IQCK: variants seen among roughly 807,000 people sequenced by gnomAD.
IQCK encodes IQ motif containing K, also known as IQ domain-containing protein K.
In IQCK, 29 loss-of-function variants were observed where a neutral mutation model predicts 28.1. That is an observed-to-expected ratio of 1.03 (90% CI 0.77 to 1.41). IQCK has a LOEUF of 1.41. IQCK is among the 40% of genes most tolerant of loss of function. The pLI, the probability that IQCK is intolerant of heterozygous loss-of-function variation, is 0.00. For synonymous variants in IQCK, 113 were observed against 115.1 expected (o/e 0.98, Z 0.12); for missense variants, 359 against 314.7 (o/e 1.14, Z -1.07).
At chr16:19,846,895 AAT>A (rs1013247172) in intron 9 of IQCK, among the ~76,000 whole-genome samples, 5 of 151,942 alleles carry the variant, frequency 3.3e-5, no homozygotes, top group Admixed American at 3.3e-4. Flanking sequence ...AAATCTCGGT[AAT>A]ATATATAATA....
intron 9 of IQCK, among the ~76,000 whole-genome samples, chr16:19,854,035 C>T (rs148628154): frequency 5.3e-5 from 8 of 152,342 alleles, no homozygotes; most frequent in Non-Finnish European, 1.0e-4. Context: ...CCTACAGTCA[C>T]GTTTCTTTAA....
chr16:19,804,251 G>A (rs573882586), intron 7 of IQCK, among the ~76,000 whole-genome samples: 3 of 152,032 alleles, frequency 2.0e-5, no homozygotes, highest in Non-Finnish European at 4.4e-5. Flanking sequence ...GGCTGAGGCA[G>A]GAGAATCACT....
Position 19,723,281 on chromosome 16 carries a change from CCTA to C in IQCK, c.181+4796_181+4798del, listed in dbSNP as rs1463550886. Among the ~76,000 whole-genome samples the C allele has an allele frequency of 2.0e-5, 3 of 152,158 alleles. No homozygotes were observed. The South Asian group carries it at 6.2e-4, about 31-fold the overall frequency. ...CAAATCTAATCGCATCATGCTGTGA[CCTA>C]CAATGATTTTCATAGCTTACAGATA... On this transcript the variant is annotated intron_variant, in intron 1 of 7. Transcript: ENST00000564186.
intron 9 of IQCK, among the ~76,000 whole-genome samples, chr16:19,853,103 G>T (rs1009431796): frequency 2.0e-5 from 3 of 152,110 alleles, no homozygotes; most frequent in African/African-American, 7.2e-5. Flanking sequence ...CGTATGGAAG[G>T]GTTTCTGCAG....
intron 1 of IQCK, 130 bp downstream of exon 1, chr16:19,718,617 G>C (rs944001954): frequency 1.2e-6 from 1 of 832,912 alleles, no homozygotes; most frequent in East Asian, 3.5e-5. Flanking sequence ...GCGGGCCCGG[G>C]CTCCGCATTT....
At chr16:19,824,453 C>T (rs975952682) in intron 7 of IQCK, among the ~76,000 whole-genome samples, 9 of 152,134 alleles carry the variant, frequency 5.9e-5, no homozygotes, top group Non-Finnish European at 1.0e-4. Context: ...TCTGTTGTAC[C>T]GCCTGGTTCC....
intron 2 of IQCK, among the ~76,000 whole-genome samples, chr16:19,730,786 A>G (rs891695551): frequency 1.3e-5 from 2 of 151,808 alleles, no homozygotes; most frequent in African/African-American, 2.4e-5. Context: ...TACCTAATCT[A>G]TTTTTTGAGA....
intron 9 of IQCK, among the ~76,000 whole-genome samples, chr16:19,839,687 G>A (rs749136338): frequency 2.0e-5 from 3 of 152,068 alleles, no homozygotes; most frequent in Non-Finnish European, 2.9e-5. Flanking sequence ...CTTGCCAAAC[G>A]CTCTATGGGC....
intron 7 of IQCK, among the ~76,000 whole-genome samples, chr16:19,811,644 T>C (rs1407905948): frequency 6.6e-6 from 1 of 152,226 alleles, no homozygotes; most frequent in Non-Finnish European, 1.5e-5. Flanking sequence ...CCTTGCTGAC[T>C]ATACATTAAT....
chr16:19,847,147 G>A (rs192101902), intron 9 of IQCK, among the ~76,000 whole-genome samples: 2 of 152,280 alleles, frequency 1.3e-5, no homozygotes, highest in East Asian at 3.9e-4. Flanking sequence ...AATTGTATGA[G>A]ATAATTAAGG....
intron 7 of IQCK, among the ~76,000 whole-genome samples, chr16:19,804,359 T>A (rs531203011): frequency 2.3e-4 from 35 of 151,328 alleles, no homozygotes; most frequent in African/African-American, 8.0e-4. Context: ...AAAAATAAAA[T>A]AAAAAAGTAC....
intron 4 of IQCK, among the ~76,000 whole-genome samples, chr16:19,737,500 C>T (rs1032125631): frequency 3.3e-4 from 50 of 152,258 alleles, no homozygotes; most frequent in East Asian, 1.5e-3. Flanking sequence ...CTTTGACAGG[C>T]GTCACCATGA....
chr16:19,851,226 T>C (rs1406438467), intron 9 of IQCK, among the ~76,000 whole-genome samples: 1 of 152,070 alleles, frequency 6.6e-6, no homozygotes, highest in Non-Finnish European at 1.5e-5. Context: ...CTTGCCCAAA[T>C]CTGCTCTCTT....
intron 6 of IQCK, among the ~76,000 whole-genome samples, chr16:19,777,415 A>T (rs888497444): frequency 3.9e-5 from 6 of 152,192 alleles, no homozygotes; most frequent in African/African-American, 1.4e-4. Context: ...TTATAATTAA[A>T]TGGTGGCACA....
At chr16:19,776,507 C>A (rs2055397358) in intron 6 of IQCK, among the ~76,000 whole-genome samples, 1 of 152,108 alleles carries the variant, frequency 6.6e-6, no homozygotes, top group African/African-American at 2.4e-5. Context: ...GACTTTGAGA[C>A]CATCCTGGCC....
intron 1 of IQCK, among the ~76,000 whole-genome samples, chr16:19,722,259 G>T (rs554591199): frequency 6.6e-6 from 1 of 152,244 alleles, no homozygotes; most frequent in South Asian, 2.1e-4. Flanking sequence ...AGTGGGGAGG[G>T]AGTCTGCTAA....
At chr16:19,728,495 C>T (rs552535716) in intron 1 of IQCK, among the ~76,000 whole-genome samples, 2 of 152,140 alleles carry the variant, frequency 1.3e-5, no homozygotes, top group Non-Finnish European at 2.9e-5. Flanking sequence ...AGTGATCCAC[C>T]CACCTTGGCC....
chr16:19,737,005 A>T (rs912366818), intron 4 of IQCK, among the ~76,000 whole-genome samples: 1 of 151,690 alleles, frequency 6.6e-6, no homozygotes, highest in African/African-American at 2.4e-5. Context: ...AAAAAAAGAA[A>T]AAGAAAATTA....
intron 7 of IQCK, among the ~76,000 whole-genome samples, chr16:19,805,031 A>T (rs1005867984): frequency 6.6e-5 from 10 of 151,892 alleles, no homozygotes; most frequent in Admixed American, 6.6e-5. Flanking sequence ...CTCCTGCTGC[A>T]GCTGTTCCAG....
Sources: allele counts gnomAD v4.1 joint callset (sites outside exome capture counted in the v4.1 genomes callset), GRCh38; gene constraint gnomAD v4.1.1; transcripts MANE v1.5; gene names NCBI Gene and HGNC (gene_info 2026-07-23, HGNC 2026-07-21).